The following C1QTNF5 variants were observed in gnomAD, a reference collection of about 807,000 sequenced individuals.
C1QTNF5 encodes the protein complement C1q tumor necrosis factor-related protein 5.
A neutral mutation model predicts 10.9 loss-of-function variants in C1QTNF5; 5 were observed. The observed-to-expected ratio is 0.46, with a 90% CI of 0.24 to 0.97. The LOEUF is 0.97. Among genes scored for constraint, C1QTNF5 ranks in the 50% least tolerant of loss-of-function variants. The pLI, the probability that C1QTNF5 is intolerant of heterozygous loss-of-function variation, is 0.19. For missense variants in C1QTNF5, 281 were observed against 339.4 expected (o/e 0.83, Z 1.35); for synonymous variants, 161 against 156.5 (o/e 1.03, Z -0.22).
chr11:119,345,084 C>T (rs1337091285), upstream of C1QTNF5: 2 of 1,533,046 alleles, frequency 1.3e-6, no homozygotes, highest in East Asian at 2.4e-5. Context: ...GCCTTGCAGT[C>T]CTATTTTCTC....
chr11:119,345,622 G>A (rs761234644), upstream of C1QTNF5: 5 of 1,613,668 alleles, frequency 3.1e-6, no homozygotes, highest in South Asian at 1.1e-5. Context: ...CCAGAGAGGA[G>A]GCCTCCACAG....
upstream of C1QTNF5, chr11:119,345,426 A>T: frequency 6.2e-7 from 1 of 1,613,722 alleles, no homozygotes; most frequent in Non-Finnish European, 8.5e-7. Context: ...CTACCTGAGG[A>T]GGGGGCCTTC....
upstream of C1QTNF5, chr11:119,342,702 G>A (rs1950514811): frequency 6.2e-7 from 1 of 1,613,696 alleles, no homozygotes; most frequent in Non-Finnish European, 8.5e-7. Flanking sequence ...CTGCCTGGCA[G>A]GAGAGCTCAC....
upstream of C1QTNF5, chr11:119,345,751 A>G: frequency 1.9e-6 from 3 of 1,613,250 alleles, no homozygotes; most frequent in Non-Finnish European, 2.5e-6. Context: ...CTTCTCCCGG[A>G]AGATCTGCCC....
upstream of C1QTNF5, chr11:119,343,894 T>C: frequency 6.2e-7 from 1 of 1,613,808 alleles, no homozygotes; most frequent in Non-Finnish European, 8.5e-7. Flanking sequence ...GTCCTGAGCC[T>C]CCAGGCTGAA....
chr11:119,341,748 G>A (rs867749143), upstream of C1QTNF5: 2 of 1,613,420 alleles, frequency 1.2e-6, no homozygotes, highest in Non-Finnish European at 1.7e-6. Flanking sequence ...CGGAAATGCT[G>A]GTAGCAGGGC....
At chr11:119,345,914 G>C (rs776835313), upstream of C1QTNF5, 1 of 1,613,700 alleles carries the variant, frequency 6.2e-7, no homozygotes, top group Non-Finnish European at 8.5e-7. Flanking sequence ...CCAGATGGGG[G>C]TGCAGCCTGC....
At chr11:119,341,528 G>A, upstream of C1QTNF5, 1 of 1,600,634 alleles carries the variant, frequency 6.2e-7, no homozygotes, top group Non-Finnish European at 8.5e-7. Flanking sequence ...GCAGGAAGAG[G>A]GCAGGGGCCG....
chr11:119,345,314 T>C, upstream of C1QTNF5: 1 of 1,188,650 alleles, frequency 8.4e-7, no homozygotes, highest in Non-Finnish European at 1.2e-6. Context: ...AGGTCTAGTC[T>C]CTCAATTTCT....
upstream of C1QTNF5, chr11:119,345,445 G>A (rs776478874): frequency 1.2e-5 from 20 of 1,613,882 alleles, 1 homozygote; most frequent in East Asian, 6.7e-5. Flanking sequence ...TCAGGCTCAG[G>A]GGAGAGTTCC....
upstream of C1QTNF5, chr11:119,341,349 C>G (rs1950500604): frequency 8.4e-6 from 5 of 598,684 alleles, no homozygotes; most frequent in South Asian, 2.0e-5. Context: ...CAGCCTGGGA[C>G]CGGTAAAGGG....
upstream of C1QTNF5, chr11:119,344,983 G>GA (rs930359553): frequency 4.4e-6 from 7 of 1,606,962 alleles, no homozygotes; most frequent in Admixed American, 1.7e-5. Flanking sequence ...TGAGCGTGGG[G>GA]GGAGGCACCC....
At chr11:119,344,401 G>A (rs370434693), upstream of C1QTNF5, 3 of 1,612,696 alleles carry the variant, frequency 1.9e-6, no homozygotes, top group South Asian at 2.2e-5. Context: ...CCTGTAGAGA[G>A]GTGGAAGGGC....
chr11:119,345,971 T>A, the C1QTNF5 span: 6 of 1,613,510 alleles, frequency 3.7e-6, no homozygotes, highest in Non-Finnish European at 5.1e-6. Flanking sequence ...AGGAGCTGGG[T>A]CCTGGGAGGC....
chr11:119,344,383 C>T, upstream of C1QTNF5: 8 of 1,613,830 alleles, frequency 5.0e-6, no homozygotes, highest in Non-Finnish European at 6.8e-6. Flanking sequence ...GTCAGATTCC[C>T]CCCACACCCT....
Position 119,340,319 on chromosome 11 carries a change from G to A in C1QTNF5, c.79C>T (p.Leu27Phe). 1 of 1,542,570 alleles carries A rather than the reference G, an allele frequency of 6.5e-7. No homozygotes were observed. Among genetic ancestry groups the A allele is most frequent in the Non-Finnish European group, 8.7e-7 (1 of 1,144,878 alleles). Residue 27 changes from leucine to phenylalanine, a missense_variant, in exon 2 of 3, where the codon CTC (leucine) becomes TTC (phenylalanine). By Grantham distance (22) the Leu-to-Phe change is conservative. Coordinates refer to ENST00000528368, the MANE Select transcript of C1QTNF5 (RefSeq NM_001278431.2). ...PPLDDNKIPS[L>F]CPGHPGLPGT... ...GGAAGGCCGGGGTGCCCCGGGCAGA[G>A]GCTGGGGATCTTGTTGTCGTCCAGT...
upstream of C1QTNF5, chr11:119,343,919 G>C: frequency 1.2e-6 from 2 of 1,613,808 alleles, no homozygotes; most frequent in Non-Finnish European, 1.7e-6. Flanking sequence ...TGGAACTGTA[G>C]TTCTATGCTG....
the C1QTNF5 span, chr11:119,346,329 A>T: frequency 6.2e-7 from 1 of 1,614,012 alleles, no homozygotes; most frequent in Non-Finnish European, 8.5e-7. Context: ...GGGGGAGGGC[A>T]GGGTGGCCCA....
chr11:119,340,946 C>T, upstream of C1QTNF5: 1 of 171,926 alleles, frequency 5.8e-6, no homozygotes, highest in Non-Finnish European at 1.2e-5. Flanking sequence ...CGCCCGGCGG[C>T]CGGCCAAAGT....
Sources: gnomAD v4.1 joint callset for allele counts on GRCh38, gnomAD v4.1.1 for gene constraint, MANE v1.5 for transcripts, NCBI Gene and HGNC (gene_info 2026-07-23, HGNC 2026-07-21) for gene names.